ATRX: variants seen among roughly 807,000 people sequenced by gnomAD.
ATRX encodes the protein chromatin remodeler ATRX.
Under a neutral mutation model 172.6 loss-of-function variants are expected in ATRX, and 12 were observed. The ratio of observed to expected loss-of-function variants is 0.07; its 90% CI spans 0.04 to 0.11. The LOEUF (loss-of-function observed/expected upper bound fraction) is 0.11, where lower values mean the gene tolerates loss of function less well. Ranked by LOEUF, ATRX falls within the 10% of genes least tolerant of loss-of-function variation. ATRX has a pLI of 1.00. For synonymous variants in ATRX, 674 were observed against 594.7 expected, an observed-to-expected ratio of 1.13 and a Z score of -1.94; for missense variants, 1,368 against 1,767.4, an observed-to-expected ratio of 0.77 and a Z score of 4.05.
chrX:77,585,619 A>AAAAAAAAAAAAAAAAAAAAAAAAC (rs2065986436), intron 27 of ATRX, among the ~76,000 whole-genome samples: 1 of 92,599 alleles, frequency 1.1e-5, no homozygotes, highest in Non-Finnish European at 2.1e-5. Flanking sequence ...AAAAAAAAAA[A>AAAAAAAAAAAAAAAAAAAAAAAAC]AAAAGGATCC....
At chrX:77,591,858 A>G (rs1481671561) in intron 26 of ATRX, among the ~76,000 whole-genome samples, 1 of 112,160 alleles carries the variant, frequency 8.9e-6, no homozygotes, top group Non-Finnish European at 1.9e-5. Flanking sequence ...TTAATCTGCA[A>G]TCTGGGTTAC....
intron 15 of ATRX, among the ~76,000 whole-genome samples, chrX:77,647,488 A>G (rs2068977702): frequency 8.9e-6 from 1 of 112,100 alleles, no homozygotes; most frequent in Non-Finnish European, 1.9e-5. Context: ...ATACAGCAAC[A>G]TGTTAAGAAA....
chrX:77,716,704 T>C (rs782384900), intron 2 of ATRX, among the ~76,000 whole-genome samples: 5 of 110,785 alleles, frequency 4.5e-5, no homozygotes, highest in African/African-American at 1.3e-4. Context: ...GATCATGCCA[T>C]TGAACTCCAG....
intron 2 of ATRX, among the ~76,000 whole-genome samples, chrX:77,705,981 A>AT (rs1224955339): frequency 1.1e-4 from 12 of 107,074 alleles, no homozygotes; most frequent in African/African-American, 2.4e-4. Flanking sequence ...TGACCAGCTG[A>AT]TTTTTTTTTT....
chrX:77,693,545 C>G (rs1287721037), intron 6 of ATRX, among the ~76,000 whole-genome samples: 1 of 111,670 alleles, frequency 9.0e-6, no homozygotes, highest in Non-Finnish European at 1.9e-5. Flanking sequence ...GGGGGGAAAA[C>G]ATAGTATTAT....
intron 27 of ATRX, among the ~76,000 whole-genome samples, chrX:77,589,089 C>A (rs1172109489): frequency 8.9e-5 from 10 of 112,182 alleles, no homozygotes; most frequent in Non-Finnish European, 1.9e-4. Flanking sequence ...TAAATGAAAA[C>A]CTGTGTAACA....
chrX:77,597,752 CA>C (rs1203223888), intron 25 of ATRX, among the ~76,000 whole-genome samples: 2 of 112,022 alleles, frequency 1.8e-5, no homozygotes, highest in Non-Finnish European at 3.8e-5. Flanking sequence ...GACACAATCT[CA>C]CACCAGTCAG....
At chrX:77,681,304 T>C (rs1225390640) in intron 9 of ATRX, among the ~76,000 whole-genome samples, 1 of 111,949 alleles carries the variant, frequency 8.9e-6, no homozygotes, top group Non-Finnish European at 1.9e-5. Context: ...AAATTTGAGA[T>C]CCCTGATACT....
At chrX:77,766,772 G>C (rs1431234570) in intron 1 of ATRX, among the ~76,000 whole-genome samples, 3 of 103,944 alleles carry the variant, frequency 2.9e-5, no homozygotes, top group Non-Finnish European at 4.0e-5. Flanking sequence ...TCACATCCCA[G>C]ACGATGGGCG....
At chrX:77,635,889 T>C in intron 16 of ATRX, 26 bp downstream of exon 16, 1 of 1,177,555 alleles carries the variant, frequency 8.5e-7, no homozygotes, top group Non-Finnish European at 1.1e-6. Context: ...AACTAAAAAT[T>C]ATTGAATCAT....
At chrX:77,712,786 G>A (rs1340597574) in intron 2 of ATRX, among the ~76,000 whole-genome samples, 2 of 110,730 alleles carry the variant, frequency 1.8e-5, no homozygotes, top group Non-Finnish European at 3.8e-5. Context: ...CTGAGATGGC[G>A]CCACTGCACT....
At chrX:77,587,639 C>T (rs1557077913) in intron 27 of ATRX, among the ~76,000 whole-genome samples, 2 of 111,631 alleles carry the variant, frequency 1.8e-5, no homozygotes, top group African/African-American at 6.5e-5. Flanking sequence ...CAAATAAAAG[C>T]CATTCAGATT....
At chrX:77,601,986 G>A (rs2066695147) in intron 22 of ATRX, among the ~76,000 whole-genome samples, 1 of 110,960 alleles carries the variant, frequency 9.0e-6, no homozygotes, top group Admixed American at 9.6e-5. Flanking sequence ...CCTTACTTTA[G>A]GTCATTTTTC....
At chrX:77,588,868 A>G (rs2066132656) in intron 27 of ATRX, among the ~76,000 whole-genome samples, 1 of 112,308 alleles carries the variant, frequency 8.9e-6, no homozygotes, top group Admixed American at 9.4e-5. Flanking sequence ...GTACATTAAA[A>G]GATGTTCAAC....
intron 6 of ATRX, 47 bp from the exon 7 acceptor site, chrX:77,688,974 A>C (rs1357665521): frequency 1.1e-5 from 11 of 998,817 alleles, no homozygotes; most frequent in Non-Finnish European, 1.6e-5. Flanking sequence ...ACACAGAAAA[A>C]GATACTTACT....
At chrX:77,758,208 G>A (rs1300561249) in intron 1 of ATRX, among the ~76,000 whole-genome samples, 1 of 105,426 alleles carries the variant, frequency 9.5e-6, no homozygotes, top group African/African-American at 3.5e-5. Context: ...GGCCAACATG[G>A]TGAACCTCTG....
intron 8 of ATRX, 29 bp downstream of exon 8, chrX:77,684,910 C>T (rs782469278): frequency 8.7e-7 from 1 of 1,149,732 alleles, no homozygotes; most frequent in East Asian, 3.0e-5. Flanking sequence ...GTAGGAAACA[C>T]TGAATGTTAG....
chrX:77,703,472 A>C (rs1184708855), intron 2 of ATRX, among the ~76,000 whole-genome samples: 1 of 112,666 alleles, frequency 8.9e-6, no homozygotes, highest in East Asian at 2.8e-4. Flanking sequence ...GAACACCACA[A>C]GCAGCATCCA....
chrX:77,533,001 AAAG>A (rs1455138823), intron 30 of ATRX, among the ~76,000 whole-genome samples: 1 of 112,576 alleles, frequency 8.9e-6, no homozygotes, highest in Non-Finnish European at 1.9e-5. Flanking sequence ...ACATTTCTCA[AAAG>A]AAGACACACT....
Sources: allele counts gnomAD v4.1 joint callset (sites outside exome capture counted in the v4.1 genomes callset), GRCh38; gene constraint gnomAD v4.1.1; transcripts MANE v1.5; gene names NCBI Gene and HGNC (gene_info 2026-07-23, HGNC 2026-07-21).